The following APTX variants were observed in gnomAD, a reference collection of about 807,000 sequenced individuals.
The protein encoded by APTX is aprataxin.
A neutral mutation model predicts 42.3 loss-of-function variants in APTX; 33 were observed. The ratio of observed to expected loss-of-function variants is 0.78; its 90% CI spans 0.59 to 1.04. The LOEUF is 1.04. Among genes scored for constraint, APTX ranks in the 50% least tolerant of loss-of-function variants. The probability of loss-of-function intolerance (pLI) is 0.00; values close to 1 mark genes in which losing one functional copy is unlikely to be tolerated. For synonymous variants in APTX, 130 were observed against 146.7 expected (o/e 0.89, Z 0.82); for missense variants, 421 against 415.1 (o/e 1.01, Z -0.12).
chr9:33,010,678 C>T (rs141547539), intron 1 of APTX, among the ~76,000 whole-genome samples: 10,651 of 151,202 alleles, frequency 0.07, 506 homozygotes, highest in Non-Finnish European at 0.11. Flanking sequence ...AAGATCATGC[C>T]ATTGCACTCC....
intron 1 of APTX, among the ~76,000 whole-genome samples, chr9:32,996,686 C>A (rs1219058356): frequency 6.6e-6 from 1 of 152,244 alleles, no homozygotes; most frequent in Non-Finnish European, 1.5e-5. Flanking sequence ...CTCTTCTCTA[C>A]ATCTTATTAT....
chr9:33,008,249 AC>A (rs1327947272), intron 1 of APTX, among the ~76,000 whole-genome samples: 7 of 151,138 alleles, frequency 4.6e-5, no homozygotes, highest in Non-Finnish European at 1.0e-4. Context: ...ATATAAATAA[AC>A]AACAAAGTAT....
At chr9:33,022,184 G>A (rs1838438457) in intron 1 of APTX, among the ~76,000 whole-genome samples, 1 of 151,954 alleles carries the variant, frequency 6.6e-6, no homozygotes, top group Admixed American at 6.6e-5. Flanking sequence ...ATATACTAAA[G>A]AAAACAATTG....
intron 1 of APTX, among the ~76,000 whole-genome samples, chr9:33,001,037 G>A (rs145086265): frequency 3.0e-4 from 46 of 151,870 alleles, no homozygotes; most frequent in African/African-American, 1.1e-3. Flanking sequence ...AGTAGAGACG[G>A]GGTTTCTCCA....
chr9:33,014,069 T>C (rs1180125559), intron 1 of APTX, among the ~76,000 whole-genome samples: 2 of 152,214 alleles, frequency 1.3e-5, no homozygotes, highest in African/African-American at 2.4e-5. Context: ...TCCCTTTTAA[T>C]GCTGATACCA....
At chr9:32,991,398 C>T (rs552537552) in intron 1 of APTX, among the ~76,000 whole-genome samples, 23 of 152,072 alleles carry the variant, frequency 1.5e-4, no homozygotes, top group African/African-American at 3.9e-4. Flanking sequence ...CAACAATGGC[C>T]GAAGCAAAGG....
intron 5 of APTX, among the ~76,000 whole-genome samples, chr9:32,985,336 T>TG (rs1563962244): frequency 6.8e-6 from 1 of 146,974 alleles, no homozygotes; most frequent in African/African-American, 2.5e-5. Flanking sequence ...GTTTTTTTTT[T>TG]TTTTTTTTTT....
At chr9:33,017,935 C>T (rs918398151) in intron 1 of APTX, among the ~76,000 whole-genome samples, 1 of 93,342 alleles carries the variant, frequency 1.1e-5, no homozygotes, top group Non-Finnish European at 2.3e-5. Context: ...AGCGCCCCCC[C>T]CCCCCTCCCA....
intron 1 of APTX, among the ~76,000 whole-genome samples, chr9:33,007,328 C>CTAA (rs1837231186): frequency 6.6e-6 from 1 of 152,156 alleles, no homozygotes; most frequent in African/African-American, 2.4e-5. Context: ...CATTGAAAAA[C>CTAA]CCCTGAAGAG....
chr9:33,013,947 A>G (rs1433997530), intron 1 of APTX, among the ~76,000 whole-genome samples: 3 of 152,214 alleles, frequency 2.0e-5, no homozygotes, highest in Admixed American at 6.5e-5. Context: ...CTAGGGCTGT[A>G]AATCTGGCAG....
chr9:33,001,217 C>T, intron 1 of APTX: 1 of 1,170,292 alleles, frequency 8.5e-7, no homozygotes, highest in Non-Finnish European at 1.1e-6. Flanking sequence ...AAGTGCCTTT[C>T]ACGAAGCATT....
intron 1 of APTX, among the ~76,000 whole-genome samples, chr9:32,990,330 A>C (rs1275721980): frequency 1.3e-5 from 2 of 151,872 alleles, no homozygotes; most frequent in Non-Finnish European, 2.9e-5. Flanking sequence ...CCGCCACCAC[A>C]CCTGGCTAAT....
chr9:32,986,353 G>A (rs986665105), intron 4 of APTX, among the ~76,000 whole-genome samples: 1 of 151,876 alleles, frequency 6.6e-6, no homozygotes, highest in African/African-American at 2.4e-5. Flanking sequence ...CCACCACCAC[G>A]CCCAGCTAAC....
upstream of APTX, among the ~76,000 whole-genome samples, chr9:33,004,631 T>TTTTC (rs1836996720): frequency 1.7e-5 from 1 of 58,540 alleles, no homozygotes; most frequent in Non-Finnish European, 4.2e-5. Flanking sequence ...TTGCCAACCC[T>TTTTC]TTTTTTTTTT....
intron 1 of APTX, among the ~76,000 whole-genome samples, chr9:33,011,616 A>G (rs1336834764): frequency 2.6e-5 from 4 of 152,158 alleles, no homozygotes; most frequent in African/African-American, 9.7e-5. Context: ...GGTTACTCTA[A>G]TTATTTTATG....
intron 6 of APTX, among the ~76,000 whole-genome samples, chr9:32,978,955 A>G (rs1193773333): frequency 6.6e-6 from 1 of 152,166 alleles, no homozygotes; most frequent in African/African-American, 2.4e-5. Flanking sequence ...TACTAAAAGC[A>G]TATTTTTTTG....
At chr9:32,994,754 C>T (rs1834430514) in intron 1 of APTX, among the ~76,000 whole-genome samples, 1 of 152,218 alleles carries the variant, frequency 6.6e-6, no homozygotes, top group Non-Finnish European at 1.5e-5. Flanking sequence ...AAAATGCCAT[C>T]TAGGACTTTC....
At chr9:33,001,703 G>C, upstream of APTX, 6 of 1,511,426 alleles carry the variant, frequency 4.0e-6, no homozygotes, top group South Asian at 2.3e-5. Context: ...TTGGCTGAAA[G>C]AATCTTGCCC....
chr9:32,977,545 A>G (rs1347559538), intron 6 of APTX, among the ~76,000 whole-genome samples: 4 of 131,282 alleles, frequency 3.0e-5, no homozygotes, highest in Non-Finnish European at 5.5e-5. Flanking sequence ...ATGGGGGGGA[A>G]AAAACCTGGG....
Sources: allele counts gnomAD v4.1 joint callset (sites outside exome capture counted in the v4.1 genomes callset), GRCh38; gene constraint gnomAD v4.1.1; transcripts MANE v1.5; gene names NCBI Gene and HGNC (gene_info 2026-07-23, HGNC 2026-07-21).